The following ZNF385D variants were observed in gnomAD, a reference collection of about 807,000 sequenced individuals.
ZNF385D encodes the protein zinc finger protein 659.
Under a neutral mutation model 35.8 loss-of-function variants are expected in ZNF385D, and 15 were observed. The ratio of observed to expected loss-of-function variants is 0.42; its 90% CI spans 0.28 to 0.64. ZNF385D has a LOEUF of 0.64. Among genes scored for constraint, ZNF385D ranks in the 30% least tolerant of loss-of-function variants. The pLI, the probability that ZNF385D is intolerant of heterozygous loss-of-function variation, is 0.23. For synonymous variants in ZNF385D, 212 were observed against 186.8 expected (o/e 1.13, Z -1.10); for missense variants, 474 against 494.6 (o/e 0.96, Z 0.39).
intron 1 of ZNF385D, among the ~76,000 whole-genome samples, chr3:21,693,972 G>A (rs1407480645): frequency 1.2e-4 from 17 of 142,032 alleles, no homozygotes; most frequent in African/African-American, 3.7e-4. Flanking sequence ...TCCACCTCCC[G>A]GGTTCAAGCG....
intron 2 of ZNF385D, among the ~76,000 whole-genome samples, chr3:22,248,609 C>G (rs148838540): frequency 1.3e-5 from 2 of 152,238 alleles, no homozygotes; most frequent in African/African-American, 4.8e-5. Flanking sequence ...TTGTTATTTA[C>G]TTGCTCTGTG....
chr3:21,962,580 G>T (rs1320706842), intron 3 of ZNF385D, among the ~76,000 whole-genome samples: 1 of 152,164 alleles, frequency 6.6e-6, no homozygotes, highest in African/African-American at 2.4e-5. Context: ...CATAAAATAT[G>T]GAAGTACTGA....
At chr3:21,758,994 A>AAAAAC (rs1421891995) in intron 3 of ZNF385D, among the ~76,000 whole-genome samples, 11 of 148,350 alleles carry the variant, frequency 7.4e-5, no homozygotes, top group Non-Finnish European at 1.3e-4. Context: ...AAAAAAAAAA[A>AAAAAC]AAAAAAAAAA....
At chr3:22,295,732 G>A (rs1363256784) in intron 2 of ZNF385D, among the ~76,000 whole-genome samples, 1 of 152,044 alleles carries the variant, frequency 6.6e-6, no homozygotes, top group Non-Finnish European at 1.5e-5. Flanking sequence ...GACTTCGGAT[G>A]TTTTAGGCAC....
At chr3:22,232,425 G>C (rs1041080904) in intron 2 of ZNF385D, among the ~76,000 whole-genome samples, 1 of 151,222 alleles carries the variant, frequency 6.6e-6, no homozygotes. Context: ...TGGGATACAT[G>C]TGCAGAATGT....
chr3:21,772,999 T>C (rs2071138776), intron 3 of ZNF385D, among the ~76,000 whole-genome samples: 2 of 151,436 alleles, frequency 1.3e-5, no homozygotes, highest in South Asian at 4.2e-4. Flanking sequence ...GTACTTAGAG[T>C]AGTCAAAATC....
chr3:22,205,805 C>T (rs1697111932), intron 2 of ZNF385D, among the ~76,000 whole-genome samples: 1 of 151,712 alleles, frequency 6.6e-6, no homozygotes, highest in Non-Finnish European at 1.5e-5. Flanking sequence ...CAGAGAAAAC[C>T]ACCTTCACTA....
At chr3:21,915,723 T>C (rs1480123487) in intron 3 of ZNF385D, among the ~76,000 whole-genome samples, 2 of 152,040 alleles carry the variant, frequency 1.3e-5, no homozygotes, top group Non-Finnish European at 2.9e-5. Flanking sequence ...ATTAGGAAGG[T>C]AGAATATCAA....
intron 2 of ZNF385D, among the ~76,000 whole-genome samples, chr3:22,327,402 C>T (rs1213398787): frequency 6.6e-6 from 1 of 152,192 alleles, no homozygotes; most frequent in Admixed American, 6.5e-5. Context: ...GTCCTACACT[C>T]TAAGTTCCAT....
intron 3 of ZNF385D, among the ~76,000 whole-genome samples, chr3:21,988,490 G>C (rs548221633): frequency 7.1e-6 from 1 of 141,808 alleles, no homozygotes; most frequent in Non-Finnish European, 1.6e-5. Flanking sequence ...CGGGGGTCAG[G>C]GGTCAGGGAC....
chr3:21,894,236 A>C (rs1699020010), intron 3 of ZNF385D, among the ~76,000 whole-genome samples: 1 of 152,202 alleles, frequency 6.6e-6, no homozygotes, highest in African/African-American at 2.4e-5. Flanking sequence ...AAGTTAAACA[A>C]ATTGAGACCA....
chr3:22,290,637 G>A (rs1383808004), intron 2 of ZNF385D, among the ~76,000 whole-genome samples: 2 of 152,160 alleles, frequency 1.3e-5, no homozygotes, highest in Non-Finnish European at 2.9e-5. Context: ...TTTCTGAGGG[G>A]CCTAGATGTT....
intron 3 of ZNF385D, among the ~76,000 whole-genome samples, chr3:22,046,758 G>A (rs1699028506): frequency 6.6e-6 from 1 of 152,028 alleles, no homozygotes; most frequent in Non-Finnish European, 1.5e-5. Context: ...ATTTCATTTG[G>A]AGCAGATATT....
intron 3 of ZNF385D, among the ~76,000 whole-genome samples, chr3:21,838,618 G>A (rs1200278234): frequency 1.3e-5 from 2 of 152,032 alleles, no homozygotes; most frequent in Non-Finnish European, 2.9e-5. Context: ...GTTCTGGAAG[G>A]TCACGGTTTT....
At chr3:22,000,312 A>T (rs1406199467) in intron 3 of ZNF385D, among the ~76,000 whole-genome samples, 3 of 152,074 alleles carry the variant, frequency 2.0e-5, no homozygotes, top group Non-Finnish European at 4.4e-5. Flanking sequence ...CTCAAAAAAA[A>T]AAAGGCCTTA....
chr3:21,614,883 G>A (rs1559461398), intron 2 of ZNF385D, among the ~76,000 whole-genome samples: 2 of 152,146 alleles, frequency 1.3e-5, no homozygotes, highest in Non-Finnish European at 2.9e-5. Context: ...CATCGTGCCC[G>A]GCCCCTGAAG....
intron 3 of ZNF385D, among the ~76,000 whole-genome samples, chr3:22,056,840 C>T (rs753372662): frequency 2.6e-5 from 4 of 152,188 alleles, no homozygotes; most frequent in Non-Finnish European, 4.4e-5. Flanking sequence ...TTCAAATTAG[C>T]TCCATGTGTC....
At chr3:22,205,456 G>A (rs1320180489) in intron 2 of ZNF385D, among the ~76,000 whole-genome samples, 1 of 151,886 alleles carries the variant, frequency 6.6e-6, no homozygotes, top group Admixed American at 6.6e-5. Flanking sequence ...GCTGGTAATA[G>A]TAAGCACACA....
intron 3 of ZNF385D, among the ~76,000 whole-genome samples, chr3:21,909,493 T>C (rs1699855998): frequency 6.6e-6 from 1 of 152,074 alleles, no homozygotes; most frequent in South Asian, 2.1e-4. Flanking sequence ...AAAATCTTTG[T>C]AACAATCATT....
Sources: gnomAD v4.1 joint callset for allele counts (sites outside exome capture counted in the v4.1 genomes callset) on GRCh38, gnomAD v4.1.1 for gene constraint, MANE v1.5 for transcripts, NCBI Gene and HGNC (gene_info 2026-07-23, HGNC 2026-07-21) for gene names.